Variants in KDM4C observed in about 807,000 individuals in gnomAD.
KDM4C encodes the protein lysine demethylase 4C.
KDM4C carries 81 observed loss-of-function variants against 129.3 expected under a neutral mutation model. That is an observed-to-expected ratio of 0.63 (90% confidence interval 0.52 to 0.75). KDM4C has a LOEUF of 0.75. Among genes scored for constraint, KDM4C ranks in the 30% least tolerant of loss-of-function variants. KDM4C has a pLI of 0.00. For missense variants in KDM4C, 1,457 were observed against 1,304.0 expected, an observed-to-expected ratio of 1.12 and a Z score of -1.81; for synonymous variants, 573 against 456.1, an observed-to-expected ratio of 1.26 and a Z score of -3.26.
chr9:6,738,492 G>A (rs543600047), intron 1 of KDM4C, among the ~76,000 whole-genome samples: 13 of 152,270 alleles, frequency 8.5e-5, no homozygotes, highest in Admixed American at 1.3e-4. Flanking sequence ...GGAGGGCAAT[G>A]GCAAGATCAG....
chr9:6,892,397 T>C (rs1846223560), intron 7 of KDM4C, among the ~76,000 whole-genome samples: 1 of 152,072 alleles, frequency 6.6e-6, no homozygotes, highest in African/African-American at 2.4e-5. Context: ...GCTTTGGTGA[T>C]TGTAAAAAAA....
chr9:7,150,141 C>G (rs1168114104), intron 19 of KDM4C, among the ~76,000 whole-genome samples: 3 of 152,214 alleles, frequency 2.0e-5, no homozygotes, highest in African/African-American at 7.2e-5. Flanking sequence ...CAAACGAAAT[C>G]AGGTTGACAA....
chr9:6,743,670 G>C (rs150508201), intron 1 of KDM4C, among the ~76,000 whole-genome samples: 2 of 151,992 alleles, frequency 1.3e-5, no homozygotes, highest in African/African-American at 4.8e-5. Flanking sequence ...ACCAAGCCTG[G>C]CTATTTTTCT....
chr9:6,928,206 T>C lies in KDM4C; in HGVS notation c.921+34974T>C, dbSNP rs374622266. ...TTGCAACACATTCTTCTCATAACAC[T>C]ATACTCACCTTGTTTTCTTCCAGCT... On this transcript the variant is annotated intron_variant, in intron 8 of 21. Coordinates refer to ENST00000381309, the MANE Select transcript of KDM4C (RefSeq NM_015061.6). Among the ~76,000 whole-genome samples the C allele has an allele frequency of 1.5e-3, 226 of 152,298 alleles. 6 individuals carry two copies. The South Asian group carries it at 0.047, about 32-fold the overall frequency.
chr9:6,920,455 C>T (rs957633861), intron 8 of KDM4C, among the ~76,000 whole-genome samples: 1 of 151,948 alleles, frequency 6.6e-6, no homozygotes, highest in African/African-American at 2.4e-5. Flanking sequence ...CCCAGCTACT[C>T]AGGAGACTGA....
chr9:6,760,734 C>G (rs1482561805), intron 1 of KDM4C, among the ~76,000 whole-genome samples: 1 of 151,554 alleles, frequency 6.6e-6, no homozygotes, highest in Non-Finnish European at 1.5e-5. Context: ...CCATGCCTGG[C>G]TAATTTTTTT....
chr9:6,866,427 G>A (rs1169579040), intron 5 of KDM4C, among the ~76,000 whole-genome samples: 2 of 152,180 alleles, frequency 1.3e-5, no homozygotes, highest in African/African-American at 4.8e-5. Context: ...GAGAGGGCTA[G>A]CTAGGGGTTC....
chr9:6,979,314 A>G (rs1243059012), intron 8 of KDM4C, among the ~76,000 whole-genome samples: 1 of 152,210 alleles, frequency 6.6e-6, no homozygotes, highest in East Asian at 1.9e-4. Context: ...GATAAATAGT[A>G]TTAGGTTCAG....
At chr9:6,842,666 G>C (rs930615213) in intron 4 of KDM4C, among the ~76,000 whole-genome samples, 1 of 151,968 alleles carries the variant, frequency 6.6e-6, no homozygotes, top group Admixed American at 6.6e-5. Flanking sequence ...GTTGGTTAAT[G>C]TCACATAAAA....
chr9:7,046,969 T>G, intron 16 of KDM4C, 52 bp downstream of exon 16: 1 of 1,308,210 alleles, frequency 7.6e-7, no homozygotes, highest in Non-Finnish European at 1.1e-6. Flanking sequence ...TTCTCCATTC[T>G]AGAACCTTTG....
chr9:7,049,354 T>C (rs954611696), intron 17 of KDM4C, among the ~76,000 whole-genome samples, 154 bp downstream of exon 17: 2 of 152,144 alleles, frequency 1.3e-5, no homozygotes, highest in Non-Finnish European at 2.9e-5. Context: ...TTATTTATTC[T>C]TACAAATTCT....
intron 17 of KDM4C, among the ~76,000 whole-genome samples, chr9:7,099,592 C>T (rs1239730004): frequency 6.6e-6 from 1 of 152,226 alleles, no homozygotes; most frequent in Non-Finnish European, 1.5e-5. Flanking sequence ...TGAGTGACAC[C>T]TTTTCACTTT....
intron 4 of KDM4C, among the ~76,000 whole-genome samples, chr9:6,830,146 C>G (rs2131307353): frequency 1.3e-5 from 2 of 152,178 alleles, no homozygotes; most frequent in Middle Eastern, 3.4e-3. Context: ...AATACGGATA[C>G]AAATTGTTAA....
At chr9:6,802,127 G>C (rs1379295461) in intron 2 of KDM4C, among the ~76,000 whole-genome samples, 1 of 150,324 alleles carries the variant, frequency 6.7e-6, no homozygotes, top group African/African-American at 2.4e-5. Context: ...AAAAGTATCA[G>C]TAAGGTCAGT....
chr9:6,834,777 C>G lies in KDM4C; in HGVS notation c.436-14730C>G, dbSNP rs1835557461. The G allele has an allele frequency of 4.0e-6, 5 of 1,234,974 alleles. No homozygotes were observed. In the South Asian group the frequency reaches 6.0e-5, roughly 15 times the overall value. The allele number at this position is 1,234,974 out of a possible 1,614,324, so 76.5% of individuals were successfully genotyped here. On this transcript the variant is annotated intron_variant, in intron 4 of 21. Transcript: ENST00000381309. ...GAGCATCCCATGCTGCTGACCGAGG[C>G]CCCCCTGAACCCCAAGGCCAGCCGC... is the stretch of plus-strand genomic sequence containing the variant.
chr9:7,011,277 G>A (rs112803195), intron 12 of KDM4C, among the ~76,000 whole-genome samples: 2 of 152,280 alleles, frequency 1.3e-5, no homozygotes, highest in African/African-American at 4.8e-5. Flanking sequence ...TATGTTAGAT[G>A]AAGAAAGTAA....
intron 8 of KDM4C, among the ~76,000 whole-genome samples, chr9:6,908,716 T>C (rs1818764389): frequency 6.6e-6 from 1 of 151,962 alleles, no homozygotes; most frequent in Non-Finnish European, 1.5e-5. Context: ...TTGGGGACAT[T>C]AAGTAGATTT....
chr9:6,723,039 C>G (rs960179489), intron 1 of KDM4C, among the ~76,000 whole-genome samples: 1 of 152,008 alleles, frequency 6.6e-6, no homozygotes, highest in Non-Finnish European at 1.5e-5. Flanking sequence ...ACTCAAACAG[C>G]AAGAGATTTA....
chr9:6,964,199 C>T (rs906957556), intron 8 of KDM4C, among the ~76,000 whole-genome samples: 2 of 152,150 alleles, frequency 1.3e-5, no homozygotes, highest in Non-Finnish European at 2.9e-5. Context: ...ATTAACTCAT[C>T]ATTTACATTA....
Sources: gnomAD v4.1 joint callset for allele counts (sites outside exome capture counted in the v4.1 genomes callset) on GRCh38, gnomAD v4.1.1 for gene constraint, MANE v1.5 for transcripts, NCBI Gene and HGNC (gene_info 2026-07-23, HGNC 2026-07-21) for gene names.